Variants in EIF4G3 observed in about 807,000 individuals in gnomAD.
EIF4G3 encodes eIF-4-gamma 3.
A neutral mutation model predicts 186.4 loss-of-function variants in EIF4G3; 34 were observed. That is an observed-to-expected ratio of 0.18 (90% CI 0.14 to 0.24). The LOEUF (loss-of-function observed/expected upper bound fraction) is 0.24, where lower values mean the gene tolerates loss of function less well. Among genes scored for constraint, EIF4G3 ranks in the 10% least tolerant of loss-of-function variants. EIF4G3 has a pLI of 1.00. For synonymous variants in EIF4G3, 673 were observed against 679.5 expected, an observed-to-expected ratio of 0.99 and a Z score of 0.15; for missense variants, 1,536 against 1,948.5, an observed-to-expected ratio of 0.79 and a Z score of 3.99.
At chr1:21,133,003 T>A (rs2097180691) in intron 2 of EIF4G3, among the ~76,000 whole-genome samples, 1 of 151,386 alleles carries the variant, frequency 6.6e-6, no homozygotes, top group Non-Finnish European at 1.5e-5. Flanking sequence ...AGGCTAGTCT[T>A]GAACTCCTGG....
At chr1:20,831,127 T>C (rs1197042475) in intron 30 of EIF4G3, among the ~76,000 whole-genome samples, 1 of 152,218 alleles carries the variant, frequency 6.6e-6, no homozygotes, top group Non-Finnish European at 1.5e-5. Context: ...CCACAGCCAC[T>C]GGACTGAACT....
intron 2 of EIF4G3, among the ~76,000 whole-genome samples, chr1:21,160,205 A>G (rs2097739562): frequency 6.6e-6 from 1 of 152,188 alleles, no homozygotes; most frequent in South Asian, 2.1e-4. Context: ...GAGTAAGAAA[A>G]CAAACAATGA....
chr1:20,900,659 C>T (rs1257910694), intron 15 of EIF4G3, among the ~76,000 whole-genome samples: 1 of 152,042 alleles, frequency 6.6e-6, no homozygotes, highest in Admixed American at 6.6e-5. Flanking sequence ...ACACAAATGG[C>T]TCTGTAAAGG....
At chr1:21,026,819 C>T (rs2092167131) in intron 4 of EIF4G3, among the ~76,000 whole-genome samples, 1 of 151,796 alleles carries the variant, frequency 6.6e-6, no homozygotes, top group South Asian at 2.1e-4. Flanking sequence ...GAATGGCAAT[C>T]CCAGATACTC....
At chr1:20,985,210 G>C (rs554842324) in intron 7 of EIF4G3, among the ~76,000 whole-genome samples, 240 of 152,134 alleles carry the variant, frequency 1.6e-3, no homozygotes, top group Admixed American at 2.4e-3. Context: ...CTGATTCCTG[G>C]TAAGAAAAAT....
intron 4 of EIF4G3, among the ~76,000 whole-genome samples, chr1:21,046,075 T>C (rs908234995): frequency 1.3e-5 from 2 of 152,204 alleles, no homozygotes; most frequent in African/African-American, 4.8e-5. Flanking sequence ...TAGAGTGCAC[T>C]TCCCCAGGGA....
At chr1:20,977,327 C>T (rs1319689893) in intron 10 of EIF4G3, among the ~76,000 whole-genome samples, 3 of 152,012 alleles carry the variant, frequency 2.0e-5, no homozygotes, top group Non-Finnish European at 4.4e-5. Context: ...GCTGGGATTA[C>T]AGGCGCCCGC....
intron 22 of EIF4G3, among the ~76,000 whole-genome samples, chr1:20,863,703 C>T (rs2076922238): frequency 2.0e-5 from 3 of 151,748 alleles, no homozygotes; most frequent in Admixed American, 2.0e-4. Context: ...CTCAGCCTCC[C>T]AAAGTGCTGG....
At chr1:21,123,443 A>T (rs2096962507) in intron 2 of EIF4G3, among the ~76,000 whole-genome samples, 1 of 151,940 alleles carries the variant, frequency 6.6e-6, no homozygotes, top group Admixed American at 6.6e-5. Context: ...ACGCACCTGT[A>T]GTCCCAGCTA....
In EIF4G3 at chr1:21,073,406, G is replaced by A. The variant is rs138339673; in HGVS notation, c.-196+15732C>T. ...TTAACCACGTTTCAAGTGCTCAAAAGGAAATGCTCTACTGGACAGCACGGT... is the reference window on the plus strand; with the variant it reads ...TTAACCACGTTTCAAGTGCTCAAAAAGAAATGCTCTACTGGACAGCACGGT... On this transcript the variant is annotated intron_variant, in intron 3 of 36. Transcript: ENST00000602326. Among the ~76,000 whole-genome samples the A allele has an allele frequency of 5.1e-3, 776 of 152,256 alleles. 7 individuals are homozygous for A. The highest frequency in any genetic ancestry group is 0.018 in the African/African-American group (745 of 41,544).
chr1:21,044,050 C>A (rs1282705780), intron 4 of EIF4G3, among the ~76,000 whole-genome samples: 2 of 152,126 alleles, frequency 1.3e-5, no homozygotes, highest in African/African-American at 2.4e-5. Context: ...TAAAATAAAT[C>A]TCAACAATTA....
Position 20,899,862 on chromosome 1 carries a change from T to C in EIF4G3, c.1834A>G (p.Arg612Gly). The C allele has an allele frequency of 6.2e-7, 1 of 1,614,168 alleles. No homozygotes were observed. The highest frequency in any genetic ancestry group is 8.5e-7 in the Non-Finnish European group (1 of 1,180,012). ...ACTTTTTTTAGGTCAGAGGGGTCTC[T>C]TTCAGGATGAAACCCCTGGCTCATT... ...DKMSQGFHPE[R>G]DPSDLKKVKA... is the part of the protein sequence containing the mutation. The change falls in exon 16 of 37, where the codon AGA becomes GGA. Residue 612 changes from arginine to glycine, a missense_variant. Physicochemically the swap from Arg to Gly is moderately radical, Grantham distance 125 (BLOSUM62 -2). Around this residue, in one of 11 missense-constraint regions of EIF4G3, gnomAD observed 560 missense variants for 547.8 expected, o/e 1.02. Coordinates refer to ENST00000602326, the MANE Select transcript of EIF4G3 (RefSeq NM_001391906.1).
At chr1:21,029,256 G>A (rs972633417) in intron 4 of EIF4G3, among the ~76,000 whole-genome samples, 5 of 151,910 alleles carry the variant, frequency 3.3e-5, no homozygotes, top group African/African-American at 4.8e-5. Context: ...CTGGCCTCAC[G>A]TGATCCGCCT....
intron 15 of EIF4G3, 91 bp downstream of exon 15, chr1:20,904,792 T>G: frequency 1.2e-6 from 1 of 855,794 alleles, no homozygotes; most frequent in South Asian, 2.5e-5. Context: ...AAGTTTTGCT[T>G]GGAAAACTAT....
chr1:20,941,201 G>C (rs1434363655), intron 14 of EIF4G3: 66 of 1,503,496 alleles, frequency 4.4e-5, no homozygotes, highest in Non-Finnish European at 5.3e-5. Context: ...CAATTCATAT[G>C]AATGAGGCAA....
At chr1:21,169,526 T>C (rs1171914998) in intron 2 of EIF4G3, 6 of 152,192 alleles carry the variant, frequency 3.9e-5, no homozygotes, top group Non-Finnish European at 7.3e-5. Flanking sequence ...GATTTTTTAC[T>C]TTTCTATATT....
chr1:21,083,731 A>G (rs962514710), intron 3 of EIF4G3, among the ~76,000 whole-genome samples: 1 of 152,204 alleles, frequency 6.6e-6, no homozygotes, highest in African/African-American at 2.4e-5. Flanking sequence ...TTAGATTCAA[A>G]TATTTCCTGT....
At chr1:20,859,471 C>T (rs2154551616) in intron 24 of EIF4G3, among the ~76,000 whole-genome samples, 1 of 152,332 alleles carries the variant, frequency 6.6e-6, no homozygotes, top group South Asian at 2.1e-4. Context: ...TTACTATCAG[C>T]CAGAAAATTA....
chr1:21,150,313 T>C (rs927454843), intron 2 of EIF4G3, among the ~76,000 whole-genome samples: 1 of 152,158 alleles, frequency 6.6e-6, no homozygotes, highest in Admixed American at 6.5e-5. Context: ...GCAAGCATCA[T>C]AAAAAATGTT....
Sources: gnomAD v4.1 joint callset for allele counts (sites outside exome capture counted in the v4.1 genomes callset) on GRCh38, gnomAD v4.1.1 for gene constraint, gnomAD v4.1.1 regional missense constraint, MANE v1.5 for transcripts, NCBI Gene and HGNC (gene_info 2026-07-23, HGNC 2026-07-21) for gene names.